The following PTPRR variants were observed in gnomAD, a reference collection of about 807,000 sequenced individuals.
The protein encoded by PTPRR is receptor-type tyrosine-protein phosphatase R.
In PTPRR, 38 loss-of-function variants were observed where a neutral mutation model predicts 77.2. The ratio of observed to expected loss-of-function variants is 0.49; its 90% CI spans 0.38 to 0.65. The LOEUF is 0.65. PTPRR is among the 30% of genes least tolerant of loss of function. The pLI is 0.00. For synonymous variants in PTPRR, 299 were observed against 283.1 expected (o/e 1.06, Z -0.57); for missense variants, 744 against 799.2 (o/e 0.93, Z 0.83).
chr12:70,872,393 G>A (rs1565725817), intron 2 of PTPRR, among the ~76,000 whole-genome samples: 1 of 151,804 alleles, frequency 6.6e-6, no homozygotes, highest in East Asian at 1.9e-4. Flanking sequence ...CCTCCTGCTT[G>A]TTTACAGAAT....
At chr12:70,659,434 C>T (rs534054969) in intron 12 of PTPRR, among the ~76,000 whole-genome samples, 1 of 152,230 alleles carries the variant, frequency 6.6e-6, no homozygotes, top group African/African-American at 2.4e-5. Flanking sequence ...TGATTAGATA[C>T]TGATGTTGGA....
intron 2 of PTPRR, among the ~76,000 whole-genome samples, chr12:70,820,208 A>C (rs951156118): frequency 2.0e-5 from 3 of 152,134 alleles, no homozygotes; most frequent in African/African-American, 7.2e-5. Context: ...ACTAGACACC[A>C]CTCTGTTCTA....
chr12:70,767,286 C>T (rs1321429882), intron 2 of PTPRR, among the ~76,000 whole-genome samples: 1 of 151,714 alleles, frequency 6.6e-6, no homozygotes, highest in Non-Finnish European at 1.5e-5. Context: ...TGTGCAGAGA[C>T]ACACATAGGC....
chr12:70,764,924 A>G, intron 2 of PTPRR, 146 bp from the exon 3 acceptor site: 1 of 615,868 alleles, frequency 1.6e-6, no homozygotes, highest in East Asian at 2.7e-5. Context: ...TGCTAAGTTT[A>G]CACTAATAAT....
chr12:70,812,390 C>T (rs1267910802), intron 2 of PTPRR, among the ~76,000 whole-genome samples: 4 of 152,150 alleles, frequency 2.6e-5, no homozygotes, highest in African/African-American at 9.7e-5. Context: ...TTTCATGAAA[C>T]ATTAACACTG....
At chr12:70,733,252 G>T (rs1372348528) in intron 6 of PTPRR, among the ~76,000 whole-genome samples, 1 of 151,874 alleles carries the variant, frequency 6.6e-6, no homozygotes, top group Admixed American at 6.6e-5. Context: ...TGGATGCCAA[G>T]CATTGTTAGA....
At chr12:70,783,128 C>T (rs555342667) in intron 2 of PTPRR, among the ~76,000 whole-genome samples, 172 of 152,246 alleles carry the variant, frequency 1.1e-3, no homozygotes, top group African/African-American at 3.9e-3. Flanking sequence ...TCTTGTCCTG[C>T]ATTCAGGAAG....
intron 2 of PTPRR, among the ~76,000 whole-genome samples, chr12:70,850,889 T>C (rs887261341): frequency 6.6e-6 from 1 of 152,194 alleles, no homozygotes; most frequent in African/African-American, 2.4e-5. Flanking sequence ...TTTTGTTGAA[T>C]ACATGAATGA....
At chr12:70,838,507 G>A (rs1272869803) in intron 2 of PTPRR, among the ~76,000 whole-genome samples, 7 of 152,172 alleles carry the variant, frequency 4.6e-5, no homozygotes, top group Non-Finnish European at 1.0e-4. Context: ...GTCATTGATT[G>A]AGACTATTTG....
At chr12:70,688,831 A>G (rs1887960585) in intron 8 of PTPRR, among the ~76,000 whole-genome samples, 2 of 152,226 alleles carry the variant, frequency 1.3e-5, no homozygotes. Flanking sequence ...TATGGTCTAT[A>G]TACATAATGG....
chr12:70,773,090 T>TCTCCTCCCTGTGTCTTCACGTCTTCC (rs1389452743), intron 2 of PTPRR, among the ~76,000 whole-genome samples: 1 of 152,146 alleles, frequency 6.6e-6, no homozygotes, highest in African/African-American at 2.4e-5. Flanking sequence ...CACTTGGCTT[T>TCTCCTCCCTGTGTCTTCACGTCTTCC]CTCCTCCCTG....
intron 8 of PTPRR, among the ~76,000 whole-genome samples, chr12:70,690,311 T>A (rs1191762092): frequency 6.6e-6 from 1 of 152,204 alleles, no homozygotes. Context: ...CAGAAAAGAA[T>A]AGTATTATCA....
intron 2 of PTPRR, among the ~76,000 whole-genome samples, chr12:70,807,346 C>G (rs938668808): frequency 6.6e-6 from 1 of 152,142 alleles, no homozygotes; most frequent in African/African-American, 2.4e-5. Flanking sequence ...GAATGCATTT[C>G]TAATAAATGT....
At chr12:70,703,180 T>C (rs552809187) in intron 6 of PTPRR, among the ~76,000 whole-genome samples, 1 of 152,300 alleles carries the variant, frequency 6.6e-6, no homozygotes, top group South Asian at 2.1e-4. Flanking sequence ...TAGTCATATC[T>C]TCACTATAAA....
intron 6 of PTPRR, among the ~76,000 whole-genome samples, chr12:70,733,002 C>T (rs953497519): frequency 1.3e-5 from 2 of 151,716 alleles, no homozygotes; most frequent in Admixed American, 6.6e-5. Flanking sequence ...CTACAGACAC[C>T]GCCTTGAGGG....
intron 1 of PTPRR, among the ~76,000 whole-genome samples, chr12:70,901,210 C>T (rs1893528377): frequency 6.6e-6 from 1 of 151,472 alleles, no homozygotes; most frequent in Admixed American, 6.6e-5. Flanking sequence ...CCTCAAAAAA[C>T]TAAAAATAGA....
chr12:70,809,806 A>T (rs1368776729), intron 2 of PTPRR, among the ~76,000 whole-genome samples: 1 of 152,214 alleles, frequency 6.6e-6, no homozygotes, highest in East Asian at 1.9e-4. Flanking sequence ...TGTGAGAGAG[A>T]AACTAAACAT....
At chr12:70,680,555 A>T (rs542001979) in intron 10 of PTPRR, among the ~76,000 whole-genome samples, 1 of 152,152 alleles carries the variant, frequency 6.6e-6, no homozygotes, top group African/African-American at 2.4e-5. Flanking sequence ...CTGGCTCAGG[A>T]CAGGTCACCC....
intron 6 of PTPRR, among the ~76,000 whole-genome samples, chr12:70,713,888 G>A (rs1331565212): frequency 1.3e-5 from 2 of 152,050 alleles, no homozygotes; most frequent in African/African-American, 4.8e-5. Context: ...AGTTGAGTGG[G>A]CCATGGTTTG....
Sources: allele counts gnomAD v4.1 joint callset (sites outside exome capture counted in the v4.1 genomes callset), GRCh38; gene constraint gnomAD v4.1.1; transcripts MANE v1.5; gene names NCBI Gene and HGNC (gene_info 2026-07-23, HGNC 2026-07-21).